FAM13A: variants seen among roughly 807,000 people sequenced by gnomAD.
FAM13A encodes the protein protein FAM13A.
A neutral mutation model predicts 129.6 loss-of-function variants in FAM13A; 76 were observed. The ratio of observed to expected loss-of-function variants is 0.59; its 90% CI spans 0.49 to 0.71. The LOEUF (loss-of-function observed/expected upper bound fraction) is 0.71, where lower values mean the gene tolerates loss of function less well. FAM13A is among the 30% of genes least tolerant of loss of function. The pLI is 0.00. For missense variants in FAM13A, 1,108 were observed against 1,249.3 expected (o/e 0.89, Z 1.70); for synonymous variants, 443 against 449.9 (o/e 0.98, Z 0.20).
At position 88,998,665 on chromosome 4, in the gene FAM13A, A is replaced by G. The variant is rs191832128; in HGVS notation, c.428-7515T>C. ...TGCATGGGCACAAAATATAAACTACATAAGAATAAACAAAACATGAATTAT... is the reference window on the plus strand; with the variant it reads ...TGCATGGGCACAAAATATAAACTACGTAAGAATAAACAAAACATGAATTAT... On this transcript the variant is annotated intron_variant, in intron 3 of 23. Coordinates refer to ENST00000264344, the MANE Select transcript of FAM13A (RefSeq NM_014883.4). 5.3e-3 allele frequency among the ~76,000 whole-genome samples: 806 copies of G among 152,350 alleles called. 9 individuals are homozygous for G. Among genetic ancestry groups the G allele is most frequent in the African/African-American group, 0.018 (759 of 41,580 alleles).
At chr4:88,983,488 C>T (rs375697662) in intron 4 of FAM13A, among the ~76,000 whole-genome samples, 21 of 152,068 alleles carry the variant, frequency 1.4e-4, no homozygotes, top group African/African-American at 5.1e-4. Context: ...CAAATTAAAA[C>T]TATATTGGTA....
At chr4:89,013,913 T>C (rs1766093317) in intron 3 of FAM13A, among the ~76,000 whole-genome samples, 1 of 152,162 alleles carries the variant, frequency 6.6e-6, no homozygotes, top group Non-Finnish European at 1.5e-5. Flanking sequence ...GAGTTTTCTC[T>C]GGGTACAAAG....
chr4:88,843,617 G>C (rs1283065415), intron 7 of FAM13A, among the ~76,000 whole-genome samples: 1 of 152,140 alleles, frequency 6.6e-6, no homozygotes, highest in African/African-American at 2.4e-5. Context: ...TACCTTGAAG[G>C]GCAATGGTTA....
At position 88,749,753 on chromosome 4, in the gene FAM13A, G is replaced by T. The variant is rs1015478001; in HGVS notation, c.2079+18C>A. The T allele has an allele frequency of 6.2e-7, 1 of 1,613,436 alleles. No homozygotes were observed. The highest frequency in any genetic ancestry group is 1.3e-5 in the African/African-American group (1 of 75,032). On this transcript the variant is annotated intron_variant, in intron 16 of 23. Transcript: ENST00000264344. Reference sequence around the variant, plus strand: ...GGGAGAGGATGAGGCGAAAAGAACAGTGTGAGGGGACACTTACTCTGTACT... The same window carrying T: ...GGGAGAGGATGAGGCGAAAAGAACATTGTGAGGGGACACTTACTCTGTACT...
chr4:88,777,631 G>A (rs1033331101), intron 11 of FAM13A, among the ~76,000 whole-genome samples: 1 of 152,146 alleles, frequency 6.6e-6, no homozygotes, highest in Non-Finnish European at 1.5e-5. Context: ...AGGGAGAAAG[G>A]AGCCAGATAG....
chr4:88,881,419 G>C (rs1743539916), intron 6 of FAM13A, among the ~76,000 whole-genome samples: 1 of 152,184 alleles, frequency 6.6e-6, no homozygotes, highest in Admixed American at 6.5e-5. Context: ...CATCCTTAGG[G>C]GAAGGGGGAG....
chr4:88,946,080 G>A (rs1755795293), intron 4 of FAM13A, among the ~76,000 whole-genome samples: 1 of 142,302 alleles, frequency 7.0e-6, no homozygotes, highest in South Asian at 2.3e-4. Flanking sequence ...AACTAGACAA[G>A]CCCCAGCCCA....
chr4:88,728,814 G>A (rs1736932644), intron 23 of FAM13A, 155 bp from the exon 24 acceptor site: 2 of 727,224 alleles, frequency 2.8e-6, no homozygotes, highest in African/African-American at 1.8e-5. Flanking sequence ...GACTGGGGCT[G>A]GATTTAGACA....
intron 7 of FAM13A, among the ~76,000 whole-genome samples, chr4:88,837,267 T>C (rs947536445): frequency 6.6e-6 from 1 of 151,220 alleles, no homozygotes; most frequent in Non-Finnish European, 1.5e-5. Context: ...AGTGCTGGGA[T>C]TACAAGTGTG....
chr4:88,736,907 C>A (rs553347999), intron 21 of FAM13A, among the ~76,000 whole-genome samples: 1 of 152,176 alleles, frequency 6.6e-6, no homozygotes, highest in South Asian at 2.1e-4. Context: ...ACTAAATGTG[C>A]TATGAGAAAG....
chr4:88,964,586 T>A (rs1759092294), intron 4 of FAM13A, among the ~76,000 whole-genome samples: 1 of 151,556 alleles, frequency 6.6e-6, no homozygotes, highest in Non-Finnish European at 1.5e-5. Flanking sequence ...ACATAATGAA[T>A]CATAAACTAA....
intron 22 of FAM13A, chr4:88,731,779 A>G: frequency 1.9e-6 from 1 of 529,738 alleles, no homozygotes. Context: ...CTTTAGAGAG[A>G]GAACTTCTGG....
intron 5 of FAM13A, among the ~76,000 whole-genome samples, chr4:88,925,237 T>C (rs2148741379): frequency 6.6e-6 from 1 of 152,326 alleles, no homozygotes; most frequent in Non-Finnish European, 1.5e-5. Context: ...ATCATGCTGC[T>C]ATAAAGACAC....
chr4:88,912,536 T>C (rs1749233526), intron 5 of FAM13A, among the ~76,000 whole-genome samples: 1 of 148,664 alleles, frequency 6.7e-6, no homozygotes. Flanking sequence ...CCAAACCCCA[T>C]AATAAATCAC....
intron 4 of FAM13A, among the ~76,000 whole-genome samples, chr4:88,983,049 C>G (rs541862449): frequency 1.3e-5 from 2 of 152,264 alleles, no homozygotes; most frequent in East Asian, 3.9e-4. Context: ...CTTCTCAGCT[C>G]CCCTGGGACT....
In FAM13A at chr4:88,849,781, A is replaced by G. The variant is rs545079507; in HGVS notation, c.1007+1239T>C. Reference sequence around the variant, plus strand: ...CGTGGAACCAGAGGTTAACCACCCAAACATTTGTTCAACGAATGAAAGAAT... The same window carrying G: ...CGTGGAACCAGAGGTTAACCACCCAGACATTTGTTCAACGAATGAAAGAAT... On this transcript the variant is annotated intron_variant, in intron 7 of 23. Transcript: ENST00000264344. Among the ~76,000 whole-genome samples, 320 of 152,260 alleles carry G rather than the reference A, an allele frequency of 2.1e-3. 1 individual carries two copies. The highest frequency in any genetic ancestry group is 3.6e-3 in the Non-Finnish European group (245 of 68,024).
chr4:89,005,916 T>C (rs922683000), intron 3 of FAM13A, among the ~76,000 whole-genome samples: 1 of 152,252 alleles, frequency 6.6e-6, no homozygotes, highest in African/African-American at 2.4e-5. Flanking sequence ...TTAAGTTTAA[T>C]TAGATCCCAG....
chr4:89,020,485 C>T lies in FAM13A; in HGVS notation c.402G>A (p.Gln134=). The T allele has an allele frequency of 6.2e-7, 1 of 1,613,900 alleles. No individual in the cohort carries two copies. Among genetic ancestry groups the T allele is most frequent in the Middle Eastern group, 1.6e-4 (1 of 6,062 alleles). The part of the protein sequence containing the change: ...LPDSLITSAL[Q]PRFIQLFQDG... Reference sequence around the variant, plus strand: ...CCTGAAAGAGTTGAATGAATCGAGGCTGCAACGCTGAGGTGATCAGACTGT... The same window carrying T: ...CCTGAAAGAGTTGAATGAATCGAGGTTGCAACGCTGAGGTGATCAGACTGT... The change falls in exon 3 of 24, where the codon CAG becomes CAA. Residue 134 remains glutamine (Q), a synonymous_variant. Transcript: ENST00000264344.
At chr4:88,876,889 AC>A (rs1361151974) in intron 6 of FAM13A, among the ~76,000 whole-genome samples, 1 of 152,142 alleles carries the variant, frequency 6.6e-6, no homozygotes, top group African/African-American at 2.4e-5. Context: ...CCGCGCCCAG[AC>A]CGCGTCACTT....
Sources: gnomAD v4.1 joint callset for allele counts (sites outside exome capture counted in the v4.1 genomes callset) on GRCh38, gnomAD v4.1.1 for gene constraint, MANE v1.5 for transcripts, NCBI Gene and HGNC (gene_info 2026-07-23, HGNC 2026-07-21) for gene names.